Variants in KCNH7 observed in about 807,000 individuals in gnomAD.
The protein encoded by KCNH7 is potassium voltage-gated channel subfamily H member 7.
A neutral mutation model predicts 120.8 loss-of-function variants in KCNH7; 49 were observed. The ratio of observed to expected loss-of-function variants is 0.41; its 90% CI spans 0.32 to 0.51. The LOEUF (loss-of-function observed/expected upper bound fraction) is 0.51. KCNH7 is among the 20% of genes least tolerant of loss of function. The pLI, the probability that KCNH7 is intolerant of heterozygous loss-of-function variation, is 0.38. For synonymous variants in KCNH7, 547 were observed against 516.1 expected (o/e 1.06, Z -0.81); for missense variants, 1,097 against 1,446.6 (o/e 0.76, Z 3.92).
intron 2 of KCNH7, among the ~76,000 whole-genome samples, chr2:162,805,836 G>A (rs1684520719): frequency 6.6e-6 from 1 of 152,104 alleles, no homozygotes; most frequent in Admixed American, 6.6e-5. Flanking sequence ...CAAGTTCAGT[G>A]CCCATTCACC....
chr2:162,771,616 C>A (rs755045700), intron 2 of KCNH7, among the ~76,000 whole-genome samples: 1 of 152,044 alleles, frequency 6.6e-6, no homozygotes, highest in Non-Finnish European at 1.5e-5. Context: ...TTATAATAAA[C>A]TTTAATATGA....
intron 2 of KCNH7, among the ~76,000 whole-genome samples, chr2:162,720,658 A>G (rs1687296296): frequency 6.6e-6 from 1 of 152,102 alleles, no homozygotes; most frequent in Non-Finnish European, 1.5e-5. Flanking sequence ...AATTTTGCTG[A>G]ACCTGGTATC....
Position 162,536,940 on chromosome 2 carries a change from T to A in KCNH7, c.448A>T (p.Ile150Phe), listed in dbSNP as rs780027843. 6.2e-7 allele frequency: 1 copy of A among 1,612,590 alleles called. No homozygotes were observed. Among genetic ancestry groups the A allele is most frequent in the South Asian group, 1.1e-5 (1 of 91,006 alleles). The change falls in exon 3 of 16, where the codon ATC becomes TTC. Residue 150 changes from isoleucine to phenylalanine, a missense_variant. Physicochemically the swap from Ile to Phe is conservative, Grantham distance 21. This residue lies in a region of KCNH7 where 362 missense variants were observed against 372.2 expected (regional missense o/e 0.97). Transcript: ENST00000332142. ...TTTTACTTACGGTTTACAGTTTTGA[T>A]TGGTAATATTGGGTTTACCCTCTCT... ...TPERVNPILP[I>F]KTVNRKFFGF...
chr2:162,404,860 C>T (rs1276897755), intron 9 of KCNH7, among the ~76,000 whole-genome samples: 1 of 152,016 alleles, frequency 6.6e-6, no homozygotes, highest in Admixed American at 6.6e-5. Context: ...TTAAACATGT[C>T]TGAAATTATA....
rs1349226490 is a variant in KCNH7 at position 162,816,534 on chromosome 2, CT to C, written c.307+20002del. Among the ~76,000 whole-genome samples the C allele has an allele frequency of 1.1e-4, 16 of 152,176 alleles. No individual in the cohort carries two copies. In the East Asian group the frequency reaches 2.7e-3, roughly 26 times the overall value. Reference sequence around the variant, plus strand: ...CCACTTAAGAATAAAAATAATGCCCCTAATCAAAACTTGATACATCACCTCC... The same window carrying C: ...CCACTTAAGAATAAAAATAATGCCCCAATCAAAACTTGATACATCACCTCC... On this transcript the variant is annotated intron_variant, in intron 2 of 15. Transcript: ENST00000332142.
chr2:162,488,603 A>G (rs1690184942), intron 6 of KCNH7, among the ~76,000 whole-genome samples: 2 of 152,078 alleles, frequency 1.3e-5, no homozygotes, highest in South Asian at 2.1e-4. Context: ...CTTTCTATAC[A>G]TCTCTGGAAT....
chr2:162,373,613 G>A lies in KCNH7; in HGVS notation c.3181C>T (p.Gln1061Ter). Reference sequence around the variant, plus strand: ...GGGGGGACCACAGTGGTTTGTTTCTGCAGCAACTGTAAGATGGTCTGGATG... The same window carrying A: ...GGGGGGACCACAGTGGTTTGTTTCTACAGCAACTGTAAGATGGTCTGGATG... ...TDIQTILQLL[Q>*]KQTTVVPPAY... Residue 1061 changes from glutamine to a stop codon, truncating the protein, a stop_gained, in exon 15 of 16, where the codon CAG (glutamine) becomes TAG (stop). Coordinates refer to ENST00000332142, the MANE Select transcript of KCNH7 (RefSeq NM_033272.4). LOFTEE classifies it high-confidence loss of function. The A allele has an allele frequency of 6.4e-7, 1 of 1,565,904 alleles. No individual in the cohort carries two copies. Among genetic ancestry groups the A allele is most frequent in the Non-Finnish European group, 8.7e-7 (1 of 1,154,730 alleles).
chr2:162,609,147 T>G (rs1682877386), intron 2 of KCNH7, among the ~76,000 whole-genome samples: 1 of 152,172 alleles, frequency 6.6e-6, no homozygotes. Context: ...CTATGGGATG[T>G]GGTTGGGTGC....
chr2:162,601,399 C>CTTTTTTTTTTTTTTTTTTTTTTTTT (rs60201823), intron 2 of KCNH7, among the ~76,000 whole-genome samples: 1 of 9,602 alleles, frequency 1.0e-4, no homozygotes, highest in Non-Finnish European at 1.7e-4. Flanking sequence ...ACTTCTTGTG[C>CTTTTTTTTTTTTTTTTTTTTTTTTT]TTTTTTTTTT....
intron 3 of KCNH7, among the ~76,000 whole-genome samples, chr2:162,527,313 G>T (rs893165982): frequency 6.6e-6 from 1 of 151,976 alleles, no homozygotes; most frequent in Admixed American, 6.6e-5. Context: ...ATCTGAAAAA[G>T]AGATTGTTTC....
intron 6 of KCNH7, among the ~76,000 whole-genome samples, chr2:162,464,112 T>C (rs1689236327): frequency 6.6e-6 from 1 of 151,996 alleles, no homozygotes; most frequent in Admixed American, 6.6e-5. Context: ...AACCAATGGG[T>C]ACATGAATCA....
chr2:162,648,636 T>C (rs1309958104), intron 2 of KCNH7, among the ~76,000 whole-genome samples: 4 of 152,168 alleles, frequency 2.6e-5, no homozygotes, highest in Admixed American at 2.6e-4. Flanking sequence ...TTCCTTCCAA[T>C]CCATATCTTA....
chr2:162,722,812 T>C (rs1020132344), intron 2 of KCNH7, among the ~76,000 whole-genome samples: 3 of 142,556 alleles, frequency 2.1e-5, no homozygotes, highest in African/African-American at 8.3e-5. Context: ...ATTCTTTTTT[T>C]CTTTTTTTTT....
chr2:162,777,359 G>T (rs1340167193), intron 2 of KCNH7, among the ~76,000 whole-genome samples: 1 of 149,480 alleles, frequency 6.7e-6, no homozygotes, highest in Non-Finnish European at 1.5e-5. Context: ...TTGTTATATG[G>T]TATTGCTTAG....
intron 6 of KCNH7, among the ~76,000 whole-genome samples, chr2:162,457,023 A>G (rs1177394491): frequency 6.6e-6 from 1 of 152,100 alleles, no homozygotes; most frequent in Non-Finnish European, 1.5e-5. Flanking sequence ...TTAATTTTTA[A>G]TGACCTAAAT....
intron 2 of KCNH7, among the ~76,000 whole-genome samples, chr2:162,660,860 G>A (rs1036624267): frequency 1.3e-5 from 2 of 152,108 alleles, no homozygotes; most frequent in African/African-American, 4.8e-5. Context: ...TTATCATACA[G>A]CTACTTCAAG....
intron 2 of KCNH7, among the ~76,000 whole-genome samples, chr2:162,794,235 G>T (rs1034766818): frequency 1.3e-5 from 2 of 151,290 alleles, no homozygotes; most frequent in Admixed American, 1.3e-4. Context: ...GGAAGGAAGG[G>T]CAGGAGGGAG....
intron 2 of KCNH7, among the ~76,000 whole-genome samples, chr2:162,718,105 G>C (rs557999621): frequency 6.6e-6 from 1 of 151,726 alleles, no homozygotes; most frequent in Admixed American, 6.6e-5. Context: ...GAGTACCCAG[G>C]AAGGAAGGCT....
chr2:162,646,080 G>A (rs185594782), intron 2 of KCNH7, among the ~76,000 whole-genome samples: 1 of 152,268 alleles, frequency 6.6e-6, no homozygotes, highest in Admixed American at 6.5e-5. Context: ...TGTCAACTCA[G>A]TGTATACAGC....
Sources: allele counts gnomAD v4.1 joint callset (sites outside exome capture counted in the v4.1 genomes callset), GRCh38; gene constraint gnomAD v4.1.1; regional missense constraint gnomAD v4.1.1; transcripts MANE v1.5; gene names NCBI Gene and HGNC (gene_info 2026-07-23, HGNC 2026-07-21).